Variants in COL4A3 observed in about 807,000 individuals in gnomAD.
The protein encoded by COL4A3 is collagen type IV alpha 3 chain, also known as collagen alpha-3(IV) chain.
COL4A3 carries 135 observed loss-of-function variants against 217.4 expected under a neutral mutation model. That is an observed-to-expected ratio of 0.62 (90% CI 0.54 to 0.72). COL4A3 has a LOEUF of 0.72. Ranked by LOEUF, COL4A3 falls within the 30% of genes least tolerant of loss-of-function variation. COL4A3 has a pLI of 0.00. For synonymous variants in COL4A3, 690 were observed against 736.3 expected (o/e 0.94, Z 1.02); for missense variants, 1,868 against 2,119.9 (o/e 0.88, Z 2.33).
At chr2:227,211,293 G>C (rs13402366) in intron 1 of COL4A3, among the ~76,000 whole-genome samples, 11,599 of 152,120 alleles carry the variant, frequency 0.076, 642 homozygotes, top group African/African-American at 0.15. Context: ...GCCACTGCAC[G>C]CGGCCCCATA....
chr2:227,256,483 G>A (rs1357838942), intron 17 of COL4A3, 87 bp downstream of exon 17: 2 of 1,058,636 alleles, frequency 1.9e-6, no homozygotes, highest in South Asian at 1.2e-5. Flanking sequence ...CTAAGTACAA[G>A]GGATTACAAT....
At chr2:227,166,461 T>C (rs531447340) in intron 1 of COL4A3, among the ~76,000 whole-genome samples, 1 of 152,156 alleles carries the variant, frequency 6.6e-6, no homozygotes, top group Non-Finnish European at 1.5e-5. Context: ...AGGAATGAGA[T>C]TGGGAAGGGG....
chr2:227,207,013 G>A (rs186438855), intron 1 of COL4A3, among the ~76,000 whole-genome samples: 2 of 152,266 alleles, frequency 1.3e-5, no homozygotes, highest in East Asian at 3.9e-4. Context: ...GGAAGCCCAG[G>A]AGACACCCTG....
chr2:227,305,197 G>C, intron 47 of COL4A3, 114 bp downstream of exon 47: 1 of 859,356 alleles, frequency 1.2e-6, no homozygotes, highest in Non-Finnish European at 1.9e-6. Context: ...ATGTTGTTCA[G>C]ATCAGACCAA....
Position 227,310,894 on chromosome 2 carries a change from A to G in COL4A3, c.4874A>G (p.Tyr1625Cys), listed in dbSNP as rs1288500420. Residue 1625 changes from tyrosine (Y) to cysteine (C), a missense_variant, in exon 51 of 52, where the codon TAT becomes TGT. Transcript: ENST00000396578. The part of the protein sequence containing the change: ...ECHGRGTCNY[Y>C]SNSYSFWLAS... ...CATGGAAGAGGAACGTGCAACTACT[A>G]TTCAAATTCCTACAGTTTCTGGCTG... The G allele has an allele frequency of 1.2e-6, 2 of 1,613,996 alleles. No individual in the cohort carries two copies. The highest frequency in any genetic ancestry group is 1.7e-6 in the Non-Finnish European group (2 of 1,180,030).
intron 23 of COL4A3, among the ~76,000 whole-genome samples, chr2:227,268,967 T>A (rs542853112): frequency 6.6e-6 from 1 of 152,184 alleles, no homozygotes; most frequent in African/African-American, 2.4e-5. Flanking sequence ...ATTTGGCCTA[T>A]CCAGGTGCAG....
In COL4A3 at chr2:227,308,967, T is replaced by C. The variant is rs1298774711; in HGVS notation, c.4531T>C (p.Cys1511Arg). The C allele has an allele frequency of 4.3e-6, 7 of 1,614,226 alleles. No individual in the cohort carries two copies. Among genetic ancestry groups the C allele is most frequent in the East Asian group, 2.2e-5 (1 of 44,890 alleles). Reference sequence around the variant, plus strand: ...CTTATTCTGCAATGTCAATGATGTATGTAATTTTGCATCTCGAAATGATTA... The same window carrying C: ...CTTATTCTGCAATGTCAATGATGTACGTAATTTTGCATCTCGAAATGATTA... ...PFLFCNVNDV[C>R]NFASRNDYSY... The change falls in exon 49 of 52, where the codon TGT becomes CGT. Residue 1511 changes from cysteine to arginine, a missense_variant. By Grantham distance (180) the Cys-to-Arg change is radical (BLOSUM62 -3). Transcript: ENST00000396578.
chr2:227,172,703 C>A (rs1475270124), intron 1 of COL4A3, among the ~76,000 whole-genome samples: 2 of 150,698 alleles, frequency 1.3e-5, no homozygotes, highest in Non-Finnish European at 3.0e-5. Context: ...TCTCCTGCCT[C>A]ACCCTTTCCA....
At chr2:227,246,773 T>A in intron 7 of COL4A3, 35 bp downstream of exon 7, 1 of 1,560,834 alleles carries the variant, frequency 6.4e-7, no homozygotes, top group Non-Finnish European at 8.8e-7. Context: ...AACAAAGACA[T>A]AAAGTATAAA....
At chr2:227,277,808 T>C (rs961711949) in intron 28 of COL4A3, among the ~76,000 whole-genome samples, 6 of 152,136 alleles carry the variant, frequency 3.9e-5, no homozygotes, top group Non-Finnish European at 5.9e-5. Flanking sequence ...GATACCAGCC[T>C]GGCCAACATG....
chr2:227,248,383 C>A (rs1268674651), intron 8 of COL4A3, 60 bp from the exon 9 acceptor site: 8 of 1,020,612 alleles, frequency 7.8e-6, no homozygotes, highest in African/African-American at 1.6e-5. Flanking sequence ...TGAATAAGCA[C>A]TTGAAGGGGT....
chr2:227,193,293 AAAC>A (rs1328047051), intron 1 of COL4A3, among the ~76,000 whole-genome samples: 2 of 152,246 alleles, frequency 1.3e-5, no homozygotes, highest in African/African-American at 2.4e-5. Flanking sequence ...ATAAAATTTA[AAAC>A]AACGACAGCA....
chr2:227,235,677 A>C (rs2068650873), intron 1 of COL4A3, among the ~76,000 whole-genome samples: 1 of 152,006 alleles, frequency 6.6e-6, no homozygotes, highest in African/African-American at 2.4e-5. Context: ...CTAAGTGAGA[A>C]TATGCGACGT....
At chr2:227,171,371 T>A (rs1005826082) in intron 1 of COL4A3, among the ~76,000 whole-genome samples, 2 of 152,204 alleles carry the variant, frequency 1.3e-5, no homozygotes, top group Non-Finnish European at 2.9e-5. Context: ...GCTCAGGGTA[T>A]AAATGTAGCT....
chr2:227,205,587 T>C (rs1174496766), intron 1 of COL4A3, among the ~76,000 whole-genome samples: 1 of 148,106 alleles, frequency 6.8e-6, no homozygotes, highest in East Asian at 1.9e-4. Flanking sequence ...AAAATTATTA[T>C]TGATTAAATT....
Position 227,304,381 on chromosome 2 carries a change from A to G in COL4A3, c.4153+237A>G, listed in dbSNP as rs1448423312. 4 of 524,730 alleles carry G rather than the reference A, an allele frequency of 7.6e-6. No individual in the cohort carries two copies. In the East Asian group the frequency reaches 1.0e-4, roughly 14 times the overall value. The allele number at this position is 524,730 out of a possible 1,614,324, so 32.5% of individuals were successfully genotyped here. A position where few individuals can be genotyped will look rare whatever the true frequency, so the allele number is the denominator to read the frequency against. On this transcript the variant is annotated intron_variant, in intron 46 of 51. Transcript: ENST00000396578. Reference sequence around the variant, plus strand: ...TTGAACAAATACACTTTAGGGCAGCATGTTTTTTTTATTATTTTTTATTAA... The same window carrying G: ...TTGAACAAATACACTTTAGGGCAGCGTGTTTTTTTTATTATTTTTTATTAA...
intron 1 of COL4A3, among the ~76,000 whole-genome samples, chr2:227,171,352 T>TA (rs1201151180): frequency 6.6e-6 from 1 of 152,242 alleles, no homozygotes; most frequent in Non-Finnish European, 1.5e-5. Flanking sequence ...TGTAAATTCC[T>TA]AGTGCCATGC....
chr2:227,232,732 C>A (rs1219260964), intron 1 of COL4A3, among the ~76,000 whole-genome samples: 6 of 151,814 alleles, frequency 4.0e-5, no homozygotes, highest in Non-Finnish European at 7.4e-5. Flanking sequence ...TTTAAATTAG[C>A]CATTTCACTC....
At chr2:227,182,924 T>G (rs1005206885) in intron 1 of COL4A3, among the ~76,000 whole-genome samples, 1 of 152,214 alleles carries the variant, frequency 6.6e-6, no homozygotes, top group Non-Finnish European at 1.5e-5. Flanking sequence ...CCAACTACTC[T>G]AACATTTACT....
Sources: gnomAD v4.1 joint callset for allele counts (sites outside exome capture counted in the v4.1 genomes callset) on GRCh38, gnomAD v4.1.1 for gene constraint, MANE v1.5 for transcripts, NCBI Gene and HGNC (gene_info 2026-07-23, HGNC 2026-07-21) for gene names.